SPCS2: variants seen among roughly 807,000 people sequenced by gnomAD.
SPCS2 encodes SPase 25 kDa subunit.
Under a neutral mutation model 22.3 loss-of-function variants are expected in SPCS2, and 3 were observed. The ratio of observed to expected loss-of-function variants is 0.13; its 90% CI spans 0.06 to 0.35. The LOEUF (loss-of-function observed/expected upper bound fraction) is 0.35. Among genes scored for constraint, SPCS2 ranks in the 10% least tolerant of loss-of-function variants. SPCS2 has a pLI of 1.00. For synonymous variants in SPCS2, 67 were observed against 97.2 expected, an observed-to-expected ratio of 0.69 and a Z score of 1.83; for missense variants, 169 against 280.9, an observed-to-expected ratio of 0.60 and a Z score of 2.85.
chr11:74,970,777 T>A (rs1948579590), intron 4 of SPCS2, among the ~76,000 whole-genome samples: 1 of 152,228 alleles, frequency 6.6e-6, no homozygotes, highest in Non-Finnish European at 1.5e-5. Context: ...CCACTGAAGC[T>A]GAGTTGCAGA....
intron 1 of SPCS2, among the ~76,000 whole-genome samples, chr11:74,955,851 A>AAT (rs60855711): frequency 0.095 from 5,259 of 55,368 alleles, 625 homozygotes; most frequent in Middle Eastern, 0.21. Flanking sequence ...TACTAATTAA[A>AAT]ATATATATAT....
intron 3 of SPCS2, 22 bp from the exon 4 acceptor site, chr11:74,969,543 T>C: frequency 1.2e-6 from 2 of 1,609,426 alleles, no homozygotes; most frequent in South Asian, 1.1e-5. Context: ...TTTGGGTATT[T>C]TCCCCTTAAC....
At position 74,969,922 on chromosome 11, in the gene SPCS2, G is replaced by A. The variant is rs565400719; in HGVS notation, c.494+223G>A. 2.0e-5 allele frequency among the ~76,000 whole-genome samples: 3 copies of A among 152,290 alleles called. No individual in the cohort carries two copies. The East Asian group carries it at 5.8e-4, about 29-fold the overall frequency. ...CTCTGAGGATAAACTGTGGGAGAAG[G>A]TACTTTTTCCTGTGGCCAGTTAACA... On this transcript the variant is annotated intron_variant, in intron 4 of 4. Transcript: ENST00000263672.
intron 4 of SPCS2, among the ~76,000 whole-genome samples, chr11:74,973,748 C>G (rs1395488012): frequency 1.3e-5 from 2 of 152,082 alleles, no homozygotes; most frequent in Admixed American, 6.5e-5. Flanking sequence ...CCTCCTCCCC[C>G]ATCTTTACTC....
chr11:74,966,916 G>C (rs938607129), intron 3 of SPCS2, among the ~76,000 whole-genome samples: 1 of 152,036 alleles, frequency 6.6e-6, no homozygotes, highest in Admixed American at 6.6e-5. Context: ...CACCATGTCT[G>C]CCTAATTTTT....
chr11:74,958,264 A>G (rs1948490886), intron 1 of SPCS2, among the ~76,000 whole-genome samples: 2 of 152,246 alleles, frequency 1.3e-5, no homozygotes, highest in Non-Finnish European at 2.9e-5. Context: ...TTCTAACTCC[A>G]GTGATGAATG....
rs1462335129 is a variant in SPCS2 at position 74,977,926 on chromosome 11, AT to A, written c.*884del. On this transcript the variant is annotated 3_prime_UTR_variant, in exon 5 of 5. Coordinates refer to ENST00000263672, the MANE Select transcript of SPCS2 (RefSeq NM_014752.3). ...ATTCTGTACTTACTTTGTGCCAGAA[AT>A]GCTCCAAGTACTTTACATGTGTTAA... The A allele has an allele frequency of 1.3e-5, 2 of 152,264 alleles. No individual in the cohort carries two copies. The highest frequency in any genetic ancestry group is 2.9e-5 in the Non-Finnish European group (2 of 68,054). The allele number at this position is 152,264 out of a possible 1,614,324, so 9.4% of individuals were successfully genotyped here.
chr11:74,958,774 A>G (rs1948493659), intron 1 of SPCS2, among the ~76,000 whole-genome samples: 1 of 151,980 alleles, frequency 6.6e-6, no homozygotes, highest in African/African-American at 2.4e-5. Context: ...AGTCCTGCCA[A>G]TTCTACCTCA....
At chr11:74,975,881 T>C (rs1045354811) in intron 4 of SPCS2, among the ~76,000 whole-genome samples, 5 of 152,196 alleles carry the variant, frequency 3.3e-5, no homozygotes, top group Non-Finnish European at 5.9e-5. Flanking sequence ...GACAATCCAC[T>C]GAATATGTCC....
intron 1 of SPCS2, among the ~76,000 whole-genome samples, chr11:74,952,566 C>T (rs1471921612): frequency 2.0e-5 from 3 of 152,118 alleles, no homozygotes; most frequent in Admixed American, 6.5e-5. Flanking sequence ...ATCTGCCCAC[C>T]TCAGCCTCCC....
chr11:74,963,243 C>T (rs1035380453), intron 1 of SPCS2, among the ~76,000 whole-genome samples: 16 of 152,078 alleles, frequency 1.1e-4, no homozygotes, highest in Non-Finnish European at 1.9e-4. Context: ...GATTTGTAGG[C>T]TGGCAGTCTA....
intron 3 of SPCS2, chr11:74,968,190 C>A (rs190578565): frequency 6.6e-6 from 1 of 152,292 alleles, no homozygotes; most frequent in African/African-American, 2.4e-5. Flanking sequence ...TTTAACTCTT[C>A]TTTAATGGAA....
At chr11:74,951,810 C>CAAAGAAA (rs750119470) in intron 1 of SPCS2, among the ~76,000 whole-genome samples, 5 of 81,362 alleles carry the variant, frequency 6.1e-5, no homozygotes, top group Non-Finnish European at 1.2e-4. Context: ...AACTCTGTCT[C>CAAAGAAA]AAAAAAAAAA....
chr11:74,949,586 G>A (rs1282690), intron 1 of SPCS2, 187 bp downstream of exon 1: 283,578 of 657,864 alleles, frequency 0.43, 65,681 homozygotes, highest in Middle Eastern at 0.53. Context: ...ACCTGGACCC[G>A]GTCCTCTTTA....
At chr11:74,952,972 G>C (rs1948455279) in intron 1 of SPCS2, among the ~76,000 whole-genome samples, 1 of 152,148 alleles carries the variant, frequency 6.6e-6, no homozygotes, top group African/African-American at 2.4e-5. Flanking sequence ...TCCTGTGAGT[G>C]CTTCTCTGTA....
intron 3 of SPCS2, among the ~76,000 whole-genome samples, chr11:74,966,588 A>G (rs1948547189): frequency 6.6e-6 from 1 of 152,134 alleles, no homozygotes; most frequent in East Asian, 1.9e-4. Flanking sequence ...ATACATAATC[A>G]TTTCCTTTCC....
In SPCS2 at chr11:74,965,777, A is replaced by G; in HGVS notation, c.213A>G (p.Lys71=). ...DDSAKKVLLE[K]YKYVENFGLI... ...TTTCTCACCAGGTACTTCTGGAAAA[A>G]TACAAATATGTGGAGAATTTTGGTC... The change falls in exon 3 of 5, where the codon AAA becomes AAG. Residue 71 remains lysine (K), a synonymous_variant. Transcript: ENST00000263672. 6.2e-7 allele frequency: 1 copy of G among 1,612,712 alleles called. No homozygotes were observed. Among genetic ancestry groups the G allele is most frequent in the Non-Finnish European group, 8.5e-7 (1 of 1,179,066 alleles).
intron 3 of SPCS2, among the ~76,000 whole-genome samples, chr11:74,967,461 C>T (rs1300217154): frequency 6.6e-6 from 1 of 152,130 alleles, no homozygotes. Context: ...TTATAAATGT[C>T]TTCTGTTGCT....
intron 1 of SPCS2, among the ~76,000 whole-genome samples, chr11:74,958,034 G>T (rs1948489698): frequency 6.6e-6 from 1 of 152,180 alleles, no homozygotes; most frequent in Non-Finnish European, 1.5e-5. Context: ...TCAGTGGTGG[G>T]ATGTTTAAGT....
Sources: allele counts gnomAD v4.1 joint callset (sites outside exome capture counted in the v4.1 genomes callset), GRCh38; gene constraint gnomAD v4.1.1; transcripts MANE v1.5; gene names NCBI Gene and HGNC (gene_info 2026-07-23, HGNC 2026-07-21).